Variants in CYSTM1 observed in about 807,000 individuals in gnomAD.
CYSTM1 encodes the protein cysteine rich transmembrane module containing 1.
In CYSTM1, 4 loss-of-function variants were observed where a neutral mutation model predicts 13.1. The observed-to-expected ratio is 0.31, with a 90% CI of 0.15 to 0.70. The LOEUF (loss-of-function observed/expected upper bound fraction) is 0.70, where lower values mean the gene tolerates loss of function less well. CYSTM1 is among the 30% of genes least tolerant of loss of function. The probability of loss-of-function intolerance (pLI) is 0.72; values close to 1 mark genes in which losing one functional copy is unlikely to be tolerated. For missense variants in CYSTM1, 96 were observed against 121.6 expected, an observed-to-expected ratio of 0.79 and a Z score of 0.99; for synonymous variants, 36 against 42.7, an observed-to-expected ratio of 0.84 and a Z score of 0.62.
chr5:140,205,252 G>A (rs1323428523), intron 2 of CYSTM1, among the ~76,000 whole-genome samples: 1 of 152,130 alleles, frequency 6.6e-6, no homozygotes, highest in Non-Finnish European at 1.5e-5. Context: ...GAGATTGTGG[G>A]GGAGGTGATA....
At chr5:140,188,093 A>G (rs1331032430) in intron 1 of CYSTM1, among the ~76,000 whole-genome samples, 2 of 143,958 alleles carry the variant, frequency 1.4e-5, no homozygotes, top group Admixed American at 7.0e-5. Flanking sequence ...TTTTTTAGAG[A>G]CAGGGTCTTT....
At position 140,243,314 on chromosome 5, in the gene CYSTM1, T is replaced by C. The variant is rs1213559340; in HGVS notation, c.197T>C (p.Val66Ala). 6.2e-7 allele frequency: 1 copy of C among 1,613,772 alleles called. No homozygotes were observed. Among genetic ancestry groups the C allele is most frequent in the East Asian group, 2.2e-5 (1 of 44,862 alleles). Residue 66 changes from valine to alanine, a missense_variant, in exon 3 of 3, where the codon GTA becomes GCA. Coordinates refer to ENST00000261811, the MANE Select transcript of CYSTM1 (RefSeq NM_032412.4). ...CCTCTTCTCCCTCCAGTGTATGTGG[T>C]AGAAGACCAAAGAAGAGATGAGCTA... ...QEPPKTTVYV[V>A]EDQRRDELGP...
intron 1 of CYSTM1, among the ~76,000 whole-genome samples, chr5:140,188,070 CTT>C (rs71276334): frequency 4.1e-4 from 55 of 133,422 alleles, no homozygotes; most frequent in East Asian, 4.4e-4. Flanking sequence ...TTAATTTTAA[CTT>C]TTTTTTTTTT....
At chr5:140,243,270 G>C (rs1421764857) in intron 2 of CYSTM1, 35 bp from the exon 3 acceptor site, 9 of 1,590,312 alleles carry the variant, frequency 5.7e-6, no homozygotes, top group Non-Finnish European at 7.8e-6. Context: ...GTTTGCACCA[G>C]TCCATTCTCA....
chr5:140,235,829 C>G (rs1301586418), intron 2 of CYSTM1, among the ~76,000 whole-genome samples: 1 of 152,218 alleles, frequency 6.6e-6, no homozygotes, highest in African/African-American at 2.4e-5. Flanking sequence ...TTTGGTCTAT[C>G]TGAGGCAGTG....
intron 1 of CYSTM1, among the ~76,000 whole-genome samples, chr5:140,184,847 G>A (rs779712235): frequency 2.8e-4 from 42 of 152,310 alleles, no homozygotes; most frequent in Admixed American, 1.2e-3. Context: ...ATGCTAAAAT[G>A]TACCTACCAA....
intron 1 of CYSTM1, among the ~76,000 whole-genome samples, chr5:140,185,976 C>G (rs1764011547): frequency 6.6e-6 from 1 of 152,154 alleles, no homozygotes; most frequent in Admixed American, 6.5e-5. Context: ...TTGGACCTCC[C>G]AAAGTAAGTT....
At chr5:140,212,207 C>T (rs1409491095) in intron 2 of CYSTM1, among the ~76,000 whole-genome samples, 1 of 152,124 alleles carries the variant, frequency 6.6e-6, no homozygotes. Context: ...GTATTCTTAA[C>T]TACAGTCATG....
intron 2 of CYSTM1, among the ~76,000 whole-genome samples, chr5:140,233,068 G>A (rs1210206244): frequency 6.6e-6 from 1 of 152,092 alleles, no homozygotes; most frequent in African/African-American, 2.4e-5. Context: ...CTTTTGAAAG[G>A]AAACTCTACA....
rs778919478 is a variant in CYSTM1 at position 140,243,545 on chromosome 5, A to T, written c.*134A>T. 1.1e-5 allele frequency: 7 copies of T among 623,654 alleles called. No individual in the cohort carries two copies. Among genetic ancestry groups the T allele is most frequent in the African/African-American group, 3.7e-5 (2 of 53,992 alleles). 38.6% of individuals were successfully genotyped at this position (623,654 alleles called of 1,614,324 possible). ...ACACCTCTACCTTCAGCACTATGGG[A>T]TTCTAGATTAATGGGGGTTGCTACT... is the stretch of plus-strand genomic sequence containing the variant. On this transcript the variant is annotated 3_prime_UTR_variant, in exon 3 of 3. Transcript: ENST00000261811.
chr5:140,216,747 T>C (rs1396162307), intron 2 of CYSTM1, among the ~76,000 whole-genome samples: 1 of 152,172 alleles, frequency 6.6e-6, no homozygotes, highest in Non-Finnish European at 1.5e-5. Context: ...CTCAGTGGCC[T>C]TTTCCTCATT....
At chr5:140,232,427 C>A (rs1159416712) in intron 2 of CYSTM1, among the ~76,000 whole-genome samples, 1 of 151,946 alleles carries the variant, frequency 6.6e-6, no homozygotes, top group African/African-American at 2.4e-5. Context: ...TAGGGCTGAG[C>A]TTTAAGGAAT....
intron 2 of CYSTM1, among the ~76,000 whole-genome samples, chr5:140,226,599 T>TAA (rs1458007617): frequency 1.6e-4 from 17 of 107,724 alleles, no homozygotes; most frequent in African/African-American, 5.6e-4. Context: ...TATATATATA[T>TAA]ATATATATAT....
At chr5:140,177,657 T>C (rs1043173946) in intron 1 of CYSTM1, among the ~76,000 whole-genome samples, 1 of 152,222 alleles carries the variant, frequency 6.6e-6, no homozygotes, top group African/African-American at 2.4e-5. Context: ...AGTCATTCTC[T>C]GTAAAAGAAG....
At chr5:140,226,187 C>A (rs1764546893) in intron 2 of CYSTM1, among the ~76,000 whole-genome samples, 1 of 152,140 alleles carries the variant, frequency 6.6e-6, no homozygotes, top group Non-Finnish European at 1.5e-5. Flanking sequence ...ATTTTCCCAG[C>A]AACCCTATGA....
chr5:140,209,054 G>GAATT (rs1291354942), intron 2 of CYSTM1, among the ~76,000 whole-genome samples: 4 of 149,016 alleles, frequency 2.7e-5, no homozygotes, highest in Non-Finnish European at 4.5e-5. Flanking sequence ...AAAAAAAAAA[G>GAATT]AATTAAGGTC....
rs1030126581 is a variant in CYSTM1 at position 140,221,363 on chromosome 5, A to G, written c.188-21942A>G. ...ACTGAAACTGTGTCCCTGTTGAACA[A>G]CAACTCACCATTTTCTCCTACCTCC... On this transcript the variant is annotated intron_variant, in intron 2 of 2. Coordinates refer to ENST00000261811, the MANE Select transcript of CYSTM1 (RefSeq NM_032412.4). 8.5e-5 allele frequency among the ~76,000 whole-genome samples: 13 copies of G among 152,170 alleles called. No homozygotes were observed. The East Asian group carries it at 1.7e-3, about 20-fold the overall frequency.
At chr5:140,225,724 G>C (rs997703372) in intron 2 of CYSTM1, among the ~76,000 whole-genome samples, 1 of 152,236 alleles carries the variant, frequency 6.6e-6, no homozygotes, top group Non-Finnish European at 1.5e-5. Context: ...AGTGAAGGAA[G>C]GTGTGCCTAG....
At chr5:140,238,324 T>C (rs1442954126) in intron 2 of CYSTM1, among the ~76,000 whole-genome samples, 1 of 152,140 alleles carries the variant, frequency 6.6e-6, no homozygotes, top group African/African-American at 2.4e-5. Context: ...AAGGGGAAAA[T>C]GGAAGAGGTT....
Sources: gnomAD v4.1 joint callset for allele counts (sites outside exome capture counted in the v4.1 genomes callset) on GRCh38, gnomAD v4.1.1 for gene constraint, MANE v1.5 for transcripts, NCBI Gene and HGNC (gene_info 2026-07-23, HGNC 2026-07-21) for gene names.